Variants in AGAP1 observed in about 807,000 individuals in gnomAD.
AGAP1 encodes ArfGAP with GTPase domain, ankyrin repeat and PH domain 1.
AGAP1 carries 29 observed loss-of-function variants against 105.3 expected under a neutral mutation model. The observed-to-expected ratio is 0.28, with a 90% CI of 0.21 to 0.38. The LOEUF is 0.38. Ranked by LOEUF, AGAP1 falls within the 10% of genes least tolerant of loss-of-function variation. The probability of loss-of-function intolerance (pLI) is 1.00; values close to 1 mark genes in which losing one functional copy is unlikely to be tolerated. For missense variants in AGAP1, 998 were observed against 1,165.1 expected (o/e 0.86, Z 2.09); for synonymous variants, 509 against 485.9 (o/e 1.05, Z -0.63).
At chr2:235,735,055 TC>T (rs1267734044) in intron 3 of AGAP1, among the ~76,000 whole-genome samples, 9 of 124,800 alleles carry the variant, frequency 7.2e-5, no homozygotes, top group Admixed American at 4.4e-4. Flanking sequence ...GTGTCTGAAC[TC>T]CTTTTCCTCC....
chr2:235,837,046 C>T (rs1035196890), intron 9 of AGAP1, among the ~76,000 whole-genome samples: 3 of 152,152 alleles, frequency 2.0e-5, no homozygotes, highest in Non-Finnish European at 2.9e-5. Flanking sequence ...AGTGCAGTGG[C>T]GCAATCTCAG....
At position 235,960,446 on chromosome 2, in the gene AGAP1, C is replaced by A. The variant is rs1365210358; in HGVS notation, c.1484-8016C>A. Among the ~76,000 whole-genome samples, 1 of 152,146 alleles carries A rather than the reference C, an allele frequency of 6.6e-6. No homozygotes were observed. The highest frequency in any genetic ancestry group is 2.1e-4 in the South Asian group (1 of 4,828). On this transcript the variant is annotated intron_variant, in intron 12 of 17. Coordinates refer to ENST00000304032, the MANE Select transcript of AGAP1 (RefSeq NM_001037131.3). The surrounding 1 kb of genome is among the most constrained non-coding windows in gnomAD (Gnocchi z 4.9). Reference sequence around the variant, plus strand: ...TGGGCTTTCTCCCGGTGCAATGACACCTTCATCTCCCTGTTGGTCCCATTC... The same window carrying A: ...TGGGCTTTCTCCCGGTGCAATGACAACTTCATCTCCCTGTTGGTCCCATTC...
intron 9 of AGAP1, among the ~76,000 whole-genome samples, chr2:235,821,117 A>G (rs1958762959): frequency 6.6e-6 from 1 of 152,246 alleles, no homozygotes; most frequent in Non-Finnish European, 1.5e-5. Flanking sequence ...CAGTGTGTAT[A>G]GCAGTTATTT....
At chr2:235,516,522 C>T (rs1942394879) in intron 1 of AGAP1, among the ~76,000 whole-genome samples, 1 of 152,132 alleles carries the variant, frequency 6.6e-6, no homozygotes. Context: ...GCCTCTGTTT[C>T]CTCTAGCTTT....
chr2:235,968,333 A>G (rs1049948401), intron 12 of AGAP1, 129 bp from the exon 13 acceptor site: 7 of 1,232,132 alleles, frequency 5.7e-6, no homozygotes, highest in Non-Finnish European at 7.7e-6. Flanking sequence ...CAATACAGTA[A>G]TGGGATGTTA....
rs578113658 is a variant in AGAP1, at chr2:235,967,696, G to A, written c.1484-766G>A. On this transcript the variant is annotated intron_variant, in intron 12 of 17. Coordinates refer to ENST00000304032, the MANE Select transcript of AGAP1 (RefSeq NM_001037131.3). The surrounding 1 kb of genome is among the most constrained non-coding windows in gnomAD (Gnocchi z 4.7). ...TGTTTTTCCTGCACGTTTTCAGTGGGCTTTTTTCCACCCGGCTTGAATTAT... is the reference window on the plus strand; with the variant it reads ...TGTTTTTCCTGCACGTTTTCAGTGGACTTTTTTCCACCCGGCTTGAATTAT... Among the ~76,000 whole-genome samples the A allele has an allele frequency of 1.6e-4, 25 of 152,306 alleles. No individual in the cohort carries two copies. The highest frequency in any genetic ancestry group is 1.4e-3 in the Admixed American group (21 of 15,294).
intron 9 of AGAP1, among the ~76,000 whole-genome samples, chr2:235,859,711 T>C (rs938077978): frequency 3.3e-5 from 5 of 152,144 alleles, no homozygotes; most frequent in African/African-American, 1.2e-4. Flanking sequence ...AATTTCAACC[T>C]TTGAAGGAAA....
intron 16 of AGAP1, among the ~76,000 whole-genome samples, chr2:236,081,250 C>T (rs953324041): frequency 2.0e-5 from 3 of 152,008 alleles, no homozygotes; most frequent in African/African-American, 4.8e-5. Context: ...GGCAGGAGGC[C>T]GGGGTCCTGT....
chr2:235,602,419 G>C (rs992691926), intron 1 of AGAP1, among the ~76,000 whole-genome samples: 11 of 152,214 alleles, frequency 7.2e-5, no homozygotes, highest in South Asian at 4.2e-4. Context: ...ACCCCTGCTT[G>C]GCCTTCTTTC....
chr2:235,526,759 G>A (rs1208196139), intron 1 of AGAP1, among the ~76,000 whole-genome samples: 1 of 152,158 alleles, frequency 6.6e-6, no homozygotes, highest in Non-Finnish European at 1.5e-5. Flanking sequence ...CCTGAGTTTG[G>A]AAATTTGAGG....
intron 1 of AGAP1, among the ~76,000 whole-genome samples, chr2:235,526,702 G>A (rs147599309): frequency 6.6e-6 from 1 of 152,160 alleles, no homozygotes; most frequent in African/African-American, 2.4e-5. Context: ...GGGAGATACT[G>A]ATGAGGACCT....
At chr2:235,667,959 C>CA (rs142657060) in intron 1 of AGAP1, among the ~76,000 whole-genome samples, 4,219 of 61,672 alleles carry the variant, frequency 0.068, 216 homozygotes, top group East Asian at 0.12. Context: ...GCCTCTGTCT[C>CA]AAAAAAAAAA....
chr2:235,744,924 A>G lies in AGAP1; in HGVS notation c.538+85A>G. The G allele has an allele frequency of 6.6e-7, 1 of 1,510,514 alleles. No homozygotes were observed. Among genetic ancestry groups the G allele is most frequent in the East Asian group, 2.3e-5 (1 of 43,246 alleles). 93.6% of individuals were successfully genotyped at this position (1,510,514 alleles called of 1,614,324 possible). A position where few individuals can be genotyped will look rare whatever the true frequency, so the allele number is the denominator to read the frequency against. ...TATGGAGGAGTTTAAAAAATGCTTTAAAGAAGGAAAAATTGCCTACTGAAC... is the reference window on the plus strand; with the variant it reads ...TATGGAGGAGTTTAAAAAATGCTTTGAAGAAGGAAAAATTGCCTACTGAAC... On this transcript the variant is annotated intron_variant, in intron 5 of 17. Coordinates refer to ENST00000304032, the MANE Select transcript of AGAP1 (RefSeq NM_001037131.3). The surrounding 1 kb of genome is among the most constrained non-coding windows in gnomAD (Gnocchi z 5.2).
At chr2:235,563,086 G>A (rs1944216364) in intron 1 of AGAP1, among the ~76,000 whole-genome samples, 1 of 152,040 alleles carries the variant, frequency 6.6e-6, no homozygotes, top group Non-Finnish European at 1.5e-5. Flanking sequence ...AAGTACAGTC[G>A]CTTTGCCCTG....
intron 13 of AGAP1, among the ~76,000 whole-genome samples, chr2:235,984,927 T>G (rs945270958): frequency 3.9e-5 from 6 of 152,138 alleles, no homozygotes; most frequent in Non-Finnish European, 5.9e-5. Context: ...GTGAATGTGT[T>G]TTTATAGCAG....
At position 235,904,262 on chromosome 2, in the gene AGAP1, G is replaced by C. The variant is rs929814648; in HGVS notation, c.1156-4476G>C. ...GGGATGGCAAAGGTGCCGGAGCAGG[G>C]TTGCAGGGGGACAGCGAGGCACAGT... is the stretch of plus-strand genomic sequence containing the variant. On this transcript the variant is annotated intron_variant, in intron 10 of 17. Coordinates refer to ENST00000304032, the MANE Select transcript of AGAP1 (RefSeq NM_001037131.3). The surrounding 1 kb of genome is among the most constrained non-coding windows in gnomAD (Gnocchi z 4.2). Among the ~76,000 whole-genome samples, 1 of 152,238 alleles carries C rather than the reference G, an allele frequency of 6.6e-6. No individual in the cohort carries two copies. Among genetic ancestry groups the C allele is most frequent in the Non-Finnish European group, 1.5e-5 (1 of 68,040 alleles).
Position 235,964,122 on chromosome 2 carries a change from G to A in AGAP1, c.1484-4340G>A, listed in dbSNP as rs1000144415. On this transcript the variant is annotated intron_variant, in intron 12 of 17. Coordinates refer to ENST00000304032, the MANE Select transcript of AGAP1 (RefSeq NM_001037131.3). The surrounding 1 kb of genome is among the most constrained non-coding windows in gnomAD (Gnocchi z 4.6). ...CAGCCTCGTGCAGAAGGTCCTAACTGTGGGCTCCGTGGGAGTGTAGAGATG... is the reference window on the plus strand; with the variant it reads ...CAGCCTCGTGCAGAAGGTCCTAACTATGGGCTCCGTGGGAGTGTAGAGATG... 6.6e-6 allele frequency among the ~76,000 whole-genome samples: 1 copy of A among 152,158 alleles called. No homozygotes were observed. The highest frequency in any genetic ancestry group is 2.1e-4 in the South Asian group (1 of 4,820).
intron 11 of AGAP1, among the ~76,000 whole-genome samples, chr2:235,921,182 A>G (rs2052165371): frequency 6.6e-6 from 1 of 152,242 alleles, no homozygotes; most frequent in African/African-American, 2.4e-5. Context: ...GAAATTGGAA[A>G]CAACCAAAAC....
At chr2:236,052,510 T>G (rs1346399425) in intron 16 of AGAP1, among the ~76,000 whole-genome samples, 1 of 152,210 alleles carries the variant, frequency 6.6e-6, no homozygotes, top group East Asian at 1.9e-4. Context: ...GGCTTATAAT[T>G]GGTTCCAGTT....
Sources: gnomAD v4.1 joint callset for allele counts (sites outside exome capture counted in the v4.1 genomes callset) on GRCh38, gnomAD v4.1.1 for gene constraint, Gnocchi (gnomAD v3.1) non-coding constraint, MANE v1.5 for transcripts, NCBI Gene and HGNC (gene_info 2026-07-23, HGNC 2026-07-21) for gene names.